Variants in ALK observed in about 807,000 individuals in gnomAD.
The protein encoded by ALK is ALK tyrosine kinase receptor.
A neutral mutation model predicts 163.1 loss-of-function variants in ALK; 74 were observed. That is an observed-to-expected ratio of 0.45 (90% CI 0.38 to 0.55). ALK has a LOEUF of 0.55. ALK is among the 20% of genes least tolerant of loss of function. ALK has a pLI of 0.00. For missense variants in ALK, 2,063 were observed against 2,105.3 expected (o/e 0.98, Z 0.39); for synonymous variants, 960 against 843.2 (o/e 1.14, Z -2.40).
intron 1 of ALK, among the ~76,000 whole-genome samples, chr2:29,776,807 A>C (rs1006932374): frequency 1.3e-5 from 2 of 152,188 alleles, no homozygotes; most frequent in East Asian, 3.8e-4. Context: ...AAAAAAACAA[A>C]AGAAAGAAAA....
chr2:29,296,837 C>CA, intron 9 of ALK, 51 bp downstream of exon 9: 1 of 1,611,770 alleles, frequency 6.2e-7, no homozygotes, highest in Non-Finnish European at 8.5e-7. Flanking sequence ...ATTTCTTTTT[C>CA]ATTTTAGCTG....
intron 24 of ALK, among the ~76,000 whole-genome samples, chr2:29,211,995 T>A (rs1202316759): frequency 2.0e-5 from 3 of 152,146 alleles, no homozygotes; most frequent in African/African-American, 7.2e-5. Flanking sequence ...GCATTGGGTA[T>A]CATCAAAATG....
At chr2:29,551,997 C>A (rs891758242) in intron 3 of ALK, among the ~76,000 whole-genome samples, 1 of 152,136 alleles carries the variant, frequency 6.6e-6, no homozygotes, top group Non-Finnish European at 1.5e-5. Context: ...CCTCTGTACT[C>A]ACTTAACAAT....
intron 5 of ALK, among the ~76,000 whole-genome samples, chr2:29,345,074 G>A (rs994699414): frequency 2.0e-5 from 3 of 152,120 alleles, no homozygotes; most frequent in Non-Finnish European, 2.9e-5. Flanking sequence ...GCACAAAATA[G>A]CTTCATCAAA....
At chr2:29,272,949 A>G (rs1247612641) in intron 11 of ALK, among the ~76,000 whole-genome samples, 1 of 152,228 alleles carries the variant, frequency 6.6e-6, no homozygotes, top group African/African-American at 2.4e-5. Flanking sequence ...ACTCATCCCT[A>G]TAATGGTAAA....
chr2:29,466,927 T>A (rs1409932372), intron 4 of ALK, among the ~76,000 whole-genome samples: 4 of 152,278 alleles, frequency 2.6e-5, no homozygotes, highest in Non-Finnish European at 5.9e-5. Flanking sequence ...TGGGTTATTA[T>A]GATATCTTTA....
chr2:29,694,832 C>T lies in ALK; in HGVS notation c.952+18G>A, dbSNP rs1678504078. 3.7e-6 allele frequency: 6 copies of T among 1,613,262 alleles called. No individual in the cohort carries two copies. The highest frequency in any genetic ancestry group is 3.3e-5 in the South Asian group (3 of 91,046). On this transcript the variant is annotated intron_variant, in intron 3 of 28. Coordinates refer to ENST00000389048, the MANE Select transcript of ALK (RefSeq NM_004304.5). Reference sequence around the variant, plus strand: ...GGCCCTGACCCACCCAGGACATCACCAGCAGCCTCTCCCTTACCTCTGGGC... The same window carrying T: ...GGCCCTGACCCACCCAGGACATCACTAGCAGCCTCTCCCTTACCTCTGGGC...
At chr2:29,366,249 A>G (rs1668504123) in intron 5 of ALK, among the ~76,000 whole-genome samples, 1 of 152,208 alleles carries the variant, frequency 6.6e-6, no homozygotes, top group Admixed American at 6.5e-5. Context: ...GCAGAGAGAA[A>G]TAGACAAGGA....
chr2:29,895,437 G>C (rs1667245205), intron 1 of ALK, among the ~76,000 whole-genome samples: 1 of 152,210 alleles, frequency 6.6e-6, no homozygotes, highest in African/African-American at 2.4e-5. Context: ...TGAAAGGCTT[G>C]GCAGAGAGAC....
chr2:29,829,793 G>T (rs1314104366), intron 1 of ALK, among the ~76,000 whole-genome samples: 2 of 152,138 alleles, frequency 1.3e-5, no homozygotes, highest in African/African-American at 4.8e-5. Context: ...CCAAGCTATG[G>T]ATGTATGTAT....
intron 1 of ALK, among the ~76,000 whole-genome samples, chr2:29,868,652 C>A (rs1331261160): frequency 6.6e-6 from 1 of 152,134 alleles, no homozygotes; most frequent in Non-Finnish European, 1.5e-5. Flanking sequence ...GCCTTATGCT[C>A]TAATCCAGCT....
chr2:29,585,849 CAA>C (rs746356773), intron 3 of ALK, among the ~76,000 whole-genome samples: 8 of 151,226 alleles, frequency 5.3e-5, no homozygotes, highest in South Asian at 4.2e-4. Flanking sequence ...ATTTTTTGTT[CAA>C]GTTTTTAATT....
intron 5 of ALK, among the ~76,000 whole-genome samples, chr2:29,350,697 C>G (rs569343070): frequency 2.0e-5 from 3 of 152,354 alleles, no homozygotes; most frequent in African/African-American, 7.2e-5. Context: ...AGTCACTGAG[C>G]AAGTCCCACT....
At chr2:29,580,872 G>A (rs1159980207) in intron 3 of ALK, among the ~76,000 whole-genome samples, 1 of 152,202 alleles carries the variant, frequency 6.6e-6, no homozygotes, top group Non-Finnish European at 1.5e-5. Flanking sequence ...CTGAGGGACG[G>A]CTCCTATGCC....
chr2:29,291,739 T>A (rs943609634), intron 9 of ALK, among the ~76,000 whole-genome samples: 2 of 152,222 alleles, frequency 1.3e-5, no homozygotes, highest in African/African-American at 4.8e-5. Context: ...AGAATTTTTT[T>A]AGGGGTGTGT....
chr2:29,820,550 G>A (rs1279236110), intron 1 of ALK, among the ~76,000 whole-genome samples: 1 of 152,198 alleles, frequency 6.6e-6, no homozygotes, highest in African/African-American at 2.4e-5. Context: ...ACATCAAATA[G>A]ATGTTTTCTG....
chr2:29,565,606 A>G (rs1327293456), intron 3 of ALK, among the ~76,000 whole-genome samples: 1 of 152,154 alleles, frequency 6.6e-6, no homozygotes, highest in East Asian at 1.9e-4. Flanking sequence ...TCTTCAGTGG[A>G]GCACTCCTGA....
At chr2:29,805,112 C>T (rs1422714031) in intron 1 of ALK, among the ~76,000 whole-genome samples, 1 of 152,074 alleles carries the variant, frequency 6.6e-6, no homozygotes, top group Non-Finnish European at 1.5e-5. Flanking sequence ...ACAGACCTGC[C>T]CACTGTGAAA....
chr2:29,628,446 C>T (rs867089075), intron 3 of ALK, among the ~76,000 whole-genome samples: 1 of 152,112 alleles, frequency 6.6e-6, no homozygotes, highest in African/African-American at 2.4e-5. Flanking sequence ...CCATAGTAAC[C>T]AGGAGAATGC....
Sources: gnomAD v4.1 joint callset for allele counts (sites outside exome capture counted in the v4.1 genomes callset) on GRCh38, gnomAD v4.1.1 for gene constraint, MANE v1.5 for transcripts, NCBI Gene and HGNC (gene_info 2026-07-23, HGNC 2026-07-21) for gene names.